ZNF600: variants seen among roughly 807,000 people sequenced by gnomAD.
ZNF600 encodes zinc finger protein KR-ZNF1.
ZNF600 carries 4 observed loss-of-function variants against 7.3 expected under a neutral mutation model. The ratio of observed to expected loss-of-function variants is 0.55; its 90% CI spans 0.27 to 1.25. The LOEUF (loss-of-function observed/expected upper bound fraction) is 1.25, where lower values mean the gene tolerates loss of function less well. ZNF600 is among the 50% of genes most tolerant of loss of function. The probability of loss-of-function intolerance (pLI) is 0.12; values close to 1 mark genes in which losing one functional copy is unlikely to be tolerated. For synonymous variants in ZNF600, 290 were observed against 308.9 expected (o/e 0.94, Z 0.64); for missense variants, 911 against 922.1 (o/e 0.99, Z 0.16).
chr19:52,787,743 C>A (rs1436245245), upstream of ZNF600, among the ~76,000 whole-genome samples: 1 of 149,644 alleles, frequency 6.7e-6, no homozygotes, highest in African/African-American at 2.5e-5. Flanking sequence ...GCCTGTAATC[C>A]CAGCTACTAG....
chr19:52,792,911 T>C, the ZNF600 span, among the ~76,000 whole-genome samples: 518 of 151,738 alleles, frequency 3.4e-3, 2 homozygotes, highest in African/African-American at 0.012. Context: ...TTTTTTTTTG[T>C]ATTGTTAGTA....
At chr19:52,788,347 C>T (rs548860220), upstream of ZNF600, among the ~76,000 whole-genome samples, 92 of 152,248 alleles carry the variant, frequency 6.0e-4, no homozygotes, top group African/African-American at 2.2e-3. Context: ...TGAGGAAGAG[C>T]CATCCCTGGC....
At chr19:52,821,912 A>G in the ZNF600 span, among the ~76,000 whole-genome samples, 1 of 113,844 alleles carries the variant, frequency 8.8e-6, no homozygotes. Context: ...CTAAAAAAAA[A>G]TAAAAAAATA....
chr19:52,832,715 C>CT, the ZNF600 span, among the ~76,000 whole-genome samples: 2 of 152,182 alleles, frequency 1.3e-5, no homozygotes, highest in Non-Finnish European at 2.9e-5. Flanking sequence ...GCTGTAAACT[C>CT]TAAATTGTGC....
the ZNF600 span, chr19:52,800,547 T>C: frequency 6.2e-7 from 1 of 1,613,520 alleles, no homozygotes; most frequent in African/African-American, 1.3e-5. Flanking sequence ...CTCTCCAGTG[T>C]GAATTATACT....
chr19:52,812,141 T>G, the ZNF600 span, among the ~76,000 whole-genome samples: 8 of 112,656 alleles, frequency 7.1e-5, no homozygotes, highest in Admixed American at 2.5e-4. Flanking sequence ...GGGAGGGTGG[T>G]GGGGGGGTCA....
intron 1 of ZNF600, among the ~76,000 whole-genome samples, chr19:52,780,325 G>A (rs1369616094): frequency 6.6e-6 from 1 of 152,194 alleles, no homozygotes; most frequent in Non-Finnish European, 1.5e-5. Context: ...GAAACCCGGA[G>A]AAGATGATAT....
chr19:52,827,663 GC>G, the ZNF600 span, among the ~76,000 whole-genome samples: 2 of 151,496 alleles, frequency 1.3e-5, no homozygotes, highest in Non-Finnish European at 2.9e-5. Flanking sequence ...TTCTGCCTCA[GC>G]CTCCCGAGTA....
At chr19:52,787,584 C>A (rs1193734572), upstream of ZNF600, among the ~76,000 whole-genome samples, 2 of 150,856 alleles carry the variant, frequency 1.3e-5, no homozygotes, top group Non-Finnish European at 3.0e-5. Flanking sequence ...CAAGACCGGG[C>A]GCGCTGGCTC....
intron 1 of ZNF600, among the ~76,000 whole-genome samples, chr19:52,783,431 G>C (rs965495799): frequency 1.3e-4 from 20 of 151,990 alleles, no homozygotes; most frequent in African/African-American, 4.8e-4. Flanking sequence ...GCGCGATCTC[G>C]GCTCACTGCA....
chr19:52,773,291 C>T (rs539216270), intron 3 of ZNF600, among the ~76,000 whole-genome samples: 11 of 152,068 alleles, frequency 7.2e-5, no homozygotes, highest in Admixed American at 3.9e-4. Flanking sequence ...AATATTGACC[C>T]AAGGTTAAAT....
chr19:52,806,404 G>A, the ZNF600 span, among the ~76,000 whole-genome samples: 1 of 152,046 alleles, frequency 6.6e-6, no homozygotes, highest in Non-Finnish European at 1.5e-5. Flanking sequence ...ATGTTAACCA[G>A]GCTAGTTTTG....
chr19:52,825,681 AAAC>A, the ZNF600 span, among the ~76,000 whole-genome samples: 3 of 151,984 alleles, frequency 2.0e-5, no homozygotes, highest in East Asian at 3.9e-4. Context: ...ACAAAACAAA[AAAC>A]AACAACAAAA....
the ZNF600 span, chr19:52,798,626 C>A: frequency 6.7e-6 from 1 of 148,410 alleles, no homozygotes; most frequent in South Asian, 3.3e-5. Flanking sequence ...TGTATGAATC[C>A]TCCTATGTTT....
chr19:52,803,829 G>A, the ZNF600 span, among the ~76,000 whole-genome samples: 217 of 152,052 alleles, frequency 1.4e-3, no homozygotes, highest in Middle Eastern at 0.01. Flanking sequence ...TGTGGTGGAG[G>A]GTGCCTGTAA....
At chr19:52,820,352 C>A in the ZNF600 span, among the ~76,000 whole-genome samples, 1 of 137,720 alleles carries the variant, frequency 7.3e-6, no homozygotes. Context: ...CTCCTGACCT[C>A]ATGATCCACC....
At chr19:52,810,246 C>A in the ZNF600 span, 10 of 1,258,950 alleles carry the variant, frequency 7.9e-6, no homozygotes, top group African/African-American at 1.5e-5. Context: ...TATGAGTCTA[C>A]CTCCAGGCAA....
the ZNF600 span, among the ~76,000 whole-genome samples, chr19:52,806,775 G>A: frequency 6.6e-6 from 1 of 151,958 alleles, no homozygotes; most frequent in African/African-American, 2.4e-5. Flanking sequence ...GGTGGTGAGC[G>A]CCTGCAGTTC....
At chr19:52,824,297 C>A in the ZNF600 span, among the ~76,000 whole-genome samples, 1 of 152,076 alleles carries the variant, frequency 6.6e-6, no homozygotes, top group Non-Finnish European at 1.5e-5. Flanking sequence ...TGTCTACCTG[C>A]CGGTTGGCTG....
Sources: allele counts gnomAD v4.1 joint callset (sites outside exome capture counted in the v4.1 genomes callset), GRCh38; gene constraint gnomAD v4.1.1; transcripts MANE v1.5; gene names NCBI Gene and HGNC (gene_info 2026-07-23, HGNC 2026-07-21).